The following NIPBL variants were observed in gnomAD, a reference collection of about 807,000 sequenced individuals.
NIPBL encodes nipped-B-like protein.
Under a neutral mutation model 321.8 loss-of-function variants are expected in NIPBL, and 19 were observed. The ratio of observed to expected loss-of-function variants is 0.06; its 90% confidence interval spans 0.04 to 0.09. The LOEUF is 0.09. Ranked by LOEUF, NIPBL falls within the 10% of genes least tolerant of loss-of-function variation. The pLI is 1.00. For synonymous variants in NIPBL, 1,106 were observed against 1,114.1 expected (o/e 0.99, Z 0.14); for missense variants, 2,210 against 3,327.0 (o/e 0.66, Z 8.26).
Position 36,985,152 on chromosome 5 carries a change from A to G in NIPBL, c.1972A>G (p.Thr658Ala), listed in dbSNP as rs1276014236. 1.2e-6 allele frequency: 2 copies of G among 1,613,942 alleles called. No individual in the cohort carries two copies. Among genetic ancestry groups the G allele is most frequent in the East Asian group, 2.2e-5 (1 of 44,878 alleles). The stretch of plus-strand genomic sequence containing the variant: ...AGAACTTAAACAGAATGAGAGCAGA[A>G]CAACTGAATGCAAACAAAACGAGAG... ...TEELKQNESR[T>A]TECKQNESTI... Residue 658 changes from threonine (T) to alanine (A), a missense_variant, in exon 10 of 47, where the codon ACA becomes GCA. Coordinates refer to ENST00000282516, the MANE Select transcript of NIPBL (RefSeq NM_133433.4).
chr5:36,918,743 GA>G (rs1407191193), intron 1 of NIPBL, among the ~76,000 whole-genome samples: 1 of 152,096 alleles, frequency 6.6e-6, no homozygotes, highest in Non-Finnish European at 1.5e-5. Context: ...AAGGGCTGTT[GA>G]ATTTTGTCAA....
At chr5:36,897,007 AT>A (rs532306217) in intron 1 of NIPBL, among the ~76,000 whole-genome samples, 5,237 of 143,366 alleles carry the variant, frequency 0.037, 273 homozygotes, top group African/African-American at 0.12. Context: ...ACTTTTATAT[AT>A]TTTTTTTTTT....
chr5:36,979,473 A>C (rs116302762), intron 9 of NIPBL, among the ~76,000 whole-genome samples: 1 of 151,812 alleles, frequency 6.6e-6, no homozygotes, highest in Non-Finnish European at 1.5e-5. Context: ...TATCAGGTCT[A>C]TGAATCTTTT....
At chr5:36,947,296 G>T (rs1262161037) in intron 1 of NIPBL, among the ~76,000 whole-genome samples, 1 of 151,862 alleles carries the variant, frequency 6.6e-6, no homozygotes, top group Non-Finnish European at 1.5e-5. Flanking sequence ...TCTCCAACTA[G>T]ATATTACACT....
chr5:36,876,823 T>TA lies in NIPBL; in HGVS notation c.-435_-434insA. 2.8e-6 allele frequency: 1 copy of TA among 352,496 alleles called. No individual in the cohort carries two copies. Among genetic ancestry groups the TA allele is most frequent in the Non-Finnish European group, 4.9e-6 (1 of 204,034 alleles). The allele number at this position is 352,496 out of a possible 1,614,324, so 21.8% of individuals were successfully genotyped here. A position where few individuals can be genotyped will look rare whatever the true frequency, so the allele number is the denominator to read the frequency against. ...AGAGAGAGACACACACAGGGCTCCT[T>TA]CCCCCCGCCCTCCCCCCCCTCCCTC... On this transcript the variant is annotated 5_prime_UTR_variant, in exon 1 of 47. Transcript: ENST00000282516.
chr5:37,002,563 TTTGCATGTC>T, intron 14 of NIPBL, 90 bp from the exon 15 acceptor site: 2 of 792,242 alleles, frequency 2.5e-6, no homozygotes, highest in Non-Finnish European at 4.4e-6. Context: ...ATTTGTTTAG[TTTGCATGTC>T]TAAAAATTTT....
intron 43 of NIPBL, among the ~76,000 whole-genome samples, chr5:37,058,214 T>C (rs1039704942): frequency 6.6e-6 from 1 of 152,246 alleles, no homozygotes; most frequent in African/African-American, 2.4e-5. Flanking sequence ...CAGATGTTAA[T>C]GTGCACATTT....
intron 10 of NIPBL, among the ~76,000 whole-genome samples, chr5:36,993,151 G>C (rs560998590): frequency 6.6e-6 from 1 of 152,290 alleles, no homozygotes; most frequent in African/African-American, 2.4e-5. Flanking sequence ...GAAACCTGTG[G>C]AATAGACAAT....
chr5:36,952,053 T>TGTGTGCGCGCGC (rs778597604), intron 1 of NIPBL, among the ~76,000 whole-genome samples: 94 of 112,210 alleles, frequency 8.4e-4, no homozygotes, highest in Admixed American at 1.4e-3. Flanking sequence ...TGTGTGTGTG[T>TGTGTGCGCGCGC]GCGCGCGCGC....
At chr5:36,915,309 A>G (rs947954868) in intron 1 of NIPBL, among the ~76,000 whole-genome samples, 8 of 152,176 alleles carry the variant, frequency 5.3e-5, no homozygotes, top group Non-Finnish European at 1.2e-4. Flanking sequence ...ACCACAAACA[A>G]TAGAAAACAT....
In NIPBL at chr5:37,052,325, T is replaced by C. The variant is rs774357698; in HGVS notation, c.7063-41T>C. ...CTAAGTATATTTTTAATTTGTGTCT[T>C]TTAATTTCCCTGACAAAAATGAGAC... On this transcript the variant is annotated intron_variant, in intron 41 of 46. Transcript: ENST00000282516. The C allele has an allele frequency of 5.2e-6, 8 of 1,527,618 alleles. No individual in the cohort carries two copies. The South Asian group carries it at 6.7e-5, about 13-fold the overall frequency. The allele number at this position is 1,527,618 out of a possible 1,614,324, so 94.6% of individuals were successfully genotyped here.
chr5:37,037,387 C>CAA (rs1373199745), intron 33 of NIPBL, among the ~76,000 whole-genome samples: 3 of 142,130 alleles, frequency 2.1e-5, no homozygotes, highest in East Asian at 4.0e-4. Context: ...GACTCCGTCT[C>CAA]AAAAAATATA....
intron 30 of NIPBL, among the ~76,000 whole-genome samples, chr5:37,025,342 T>C (rs186405991): frequency 7.2e-5 from 11 of 152,352 alleles, no homozygotes; most frequent in African/African-American, 2.6e-4. Context: ...ATTATTTTAA[T>C]TTTCAAATGA....
rs1241745879 is a variant in NIPBL, at chr5:37,064,889, C to G, written c.8412C>G (p.Ser2804Arg). ...ATGCCGCCAAGGATGGGACTTCCAG[C>G]TAATGAATTTGTACATGCAGCCAAA... ...SLYAAKDGTS[S>R] Residue 2804 changes from serine to arginine, a missense_variant, in exon 47 of 47, where the codon AGC (serine) becomes AGG (arginine). This residue lies in a region of NIPBL where 159 missense variants were observed against 319.2 expected (regional missense o/e 0.50). Transcript: ENST00000282516. The G allele has an allele frequency of 6.2e-7, 1 of 1,613,850 alleles. No homozygotes were observed. The highest frequency in any genetic ancestry group is 8.5e-7 in the Non-Finnish European group (1 of 1,180,000).
chr5:36,980,668 A>G (rs373064954), intron 9 of NIPBL, among the ~76,000 whole-genome samples: 1 of 151,688 alleles, frequency 6.6e-6, no homozygotes, highest in African/African-American at 2.4e-5. Flanking sequence ...ATAGTAGGCT[A>G]TATCATCTAG....
intron 4 of NIPBL, among the ~76,000 whole-genome samples, 184 bp from the exon 5 acceptor site, chr5:36,961,300 T>C (rs1741595182): frequency 6.6e-6 from 1 of 152,174 alleles, no homozygotes; most frequent in Admixed American, 6.5e-5. Flanking sequence ...TTATGGAAAA[T>C]GGTGTTGTAA....
intron 1 of NIPBL, among the ~76,000 whole-genome samples, chr5:36,939,355 T>A (rs1335052792): frequency 6.6e-6 from 1 of 152,184 alleles, no homozygotes; most frequent in Non-Finnish European, 1.5e-5. Context: ...ATCTCTACAA[T>A]GTTATTATTT....
Position 37,036,365 on chromosome 5 carries a change from ATATG to A in NIPBL, c.5863-10_5863-7del. 4 of 594,602 alleles carry A rather than the reference ATATG, an allele frequency of 6.7e-6. No homozygotes were observed. Among genetic ancestry groups the A allele is most frequent in the Non-Finnish European group, 7.4e-6 (3 of 406,608 alleles). 36.8% of individuals were successfully genotyped at this position (594,602 alleles called of 1,614,324 possible). ...TATATATGTATATATATATATATAT[ATATG>A]TATATATAGTTGTTGAAGTCCGAAG... On this transcript the variant is annotated splice_polypyrimidine_tract_variant and intron_variant, in intron 32 of 46. Transcript: ENST00000282516.
At chr5:37,009,372 A>G (rs1450134397) in intron 20 of NIPBL, among the ~76,000 whole-genome samples, 2 of 152,230 alleles carry the variant, frequency 1.3e-5, no homozygotes, top group Non-Finnish European at 2.9e-5. Context: ...TGTCTTTGCC[A>G]TCATAGATAA....
Sources: allele counts gnomAD v4.1 joint callset (sites outside exome capture counted in the v4.1 genomes callset), GRCh38; gene constraint gnomAD v4.1.1; regional missense constraint gnomAD v4.1.1; transcripts MANE v1.5; gene names NCBI Gene and HGNC (gene_info 2026-07-23, HGNC 2026-07-21).